ROBO1: variants seen among roughly 807,000 people sequenced by gnomAD.
ROBO1 encodes the protein roundabout guidance receptor 1.
Under a neutral mutation model 195.9 loss-of-function variants are expected in ROBO1, and 149 were observed. The ratio of observed to expected loss-of-function variants is 0.76; its 90% confidence interval spans 0.67 to 0.87. The LOEUF (loss-of-function observed/expected upper bound fraction) is 0.87, where lower values mean the gene tolerates loss of function less well. Ranked by LOEUF, ROBO1 falls within the 40% of genes least tolerant of loss-of-function variation. The pLI, the probability that ROBO1 is intolerant of heterozygous loss-of-function variation, is 0.00. For synonymous variants in ROBO1, 816 were observed against 733.2 expected (o/e 1.11, Z -1.82); for missense variants, 1,933 against 2,068.3 (o/e 0.93, Z 1.27).
At chr3:78,797,934 A>G (rs2084234727) in intron 4 of ROBO1, among the ~76,000 whole-genome samples, 2 of 152,346 alleles carry the variant, frequency 1.3e-5, no homozygotes, top group African/African-American at 4.8e-5. Context: ...AACAGGGAAC[A>G]GCAATGTAAT....
chr3:78,730,120 G>A (rs2082255204), intron 5 of ROBO1, among the ~76,000 whole-genome samples: 1 of 152,130 alleles, frequency 6.6e-6, no homozygotes, highest in South Asian at 2.1e-4. Context: ...GTATTTGAGG[G>A]GAGAAAAGCT....
chr3:79,276,486 A>G (rs1576910787), intron 2 of ROBO1, among the ~76,000 whole-genome samples: 1 of 152,180 alleles, frequency 6.6e-6, no homozygotes, highest in East Asian at 1.9e-4. Flanking sequence ...ATTATTAAAG[A>G]CTTAAATCTA....
At position 78,685,103 on chromosome 3, in the gene ROBO1, T is replaced by C. The variant is rs568892095; in HGVS notation, c.1342+643A>G. Among the ~76,000 whole-genome samples, 4 of 152,226 alleles carry C rather than the reference T, an allele frequency of 2.6e-5. No homozygotes were observed. In the South Asian group the frequency reaches 8.3e-4, roughly 32 times the overall value. On this transcript the variant is annotated intron_variant, in intron 10 of 30. Transcript: ENST00000464233. ...CACACACATATACTATACATGTATA[T>C]ATATTTATATGTATATGAAATAAGA...
rs1432544349 is a variant in ROBO1, at chr3:79,364,247, T to TAA, written c.88+225576_88+225577insTT. On this transcript the variant is annotated intron_variant, in intron 2 of 30. Coordinates refer to ENST00000464233, the MANE Select transcript of ROBO1 (RefSeq NM_002941.4). ...ATAAATGTGTGTGTGTATATATATATATATACATATATATACACACACACA... is the reference window on the plus strand; with the variant it reads ...ATAAATGTGTGTGTGTATATATATATAAATATACATATATATACACACACACA... 3.4e-5 allele frequency among the ~76,000 whole-genome samples: 5 copies of TAA among 147,230 alleles called. No individual in the cohort carries two copies. The East Asian group carries it at 9.8e-4, about 29-fold the overall frequency.
intron 2 of ROBO1, among the ~76,000 whole-genome samples, chr3:79,437,396 C>T (rs1361522598): frequency 6.6e-6 from 1 of 151,976 alleles, no homozygotes; most frequent in Non-Finnish European, 1.5e-5. Context: ...CCTGCAATAT[C>T]TACCAAAGGT....
intron 4 of ROBO1, among the ~76,000 whole-genome samples, chr3:78,886,225 GA>G (rs1350475709): frequency 6.6e-6 from 1 of 151,904 alleles, no homozygotes; most frequent in East Asian, 1.9e-4. Context: ...CTGATTAAAA[GA>G]ATAATACTTA....
intron 2 of ROBO1, among the ~76,000 whole-genome samples, chr3:79,276,249 A>G (rs1235147395): frequency 6.6e-6 from 1 of 152,064 alleles, no homozygotes; most frequent in African/African-American, 2.4e-5. Context: ...TAACTAAAAC[A>G]GCATGTTACA....
chr3:79,407,291 T>C (rs1317960550), intron 2 of ROBO1, among the ~76,000 whole-genome samples: 1 of 152,096 alleles, frequency 6.6e-6, no homozygotes, highest in African/African-American at 2.4e-5. Context: ...CATTCAGAGG[T>C]AGCAATAAAT....
At chr3:78,637,812 C>A (rs1334091802) in intron 22 of ROBO1, among the ~76,000 whole-genome samples, 2 of 152,152 alleles carry the variant, frequency 1.3e-5, no homozygotes, top group Non-Finnish European at 1.5e-5. Flanking sequence ...GCTTTAAGGG[C>A]AGACATGCAG....
At chr3:78,768,276 A>T (rs1421135245) in intron 4 of ROBO1, among the ~76,000 whole-genome samples, 1 of 151,280 alleles carries the variant, frequency 6.6e-6, no homozygotes, top group Non-Finnish European at 1.5e-5. Context: ...TTTCAGTTTT[A>T]TTCCACTGTG....
chr3:79,372,030 G>T (rs532665490), intron 2 of ROBO1, among the ~76,000 whole-genome samples: 62 of 152,138 alleles, frequency 4.1e-4, no homozygotes, highest in African/African-American at 1.4e-3. Context: ...TAGGGTTTGT[G>T]CTCCTATGAG....
At chr3:79,493,792 T>C (rs1559939202) in intron 2 of ROBO1, among the ~76,000 whole-genome samples, 1 of 152,132 alleles carries the variant, frequency 6.6e-6, no homozygotes, top group Non-Finnish European at 1.5e-5. Context: ...AATAATCATA[T>C]CAAGGTAAAT....
At chr3:79,122,250 C>T (rs879355203) in intron 3 of ROBO1, among the ~76,000 whole-genome samples, 7 of 151,944 alleles carry the variant, frequency 4.6e-5, no homozygotes, top group Admixed American at 1.3e-4. Flanking sequence ...ATTTATGACA[C>T]GCGTGGTTAA....
chr3:79,686,667 G>C (rs1256662727), intron 1 of ROBO1, among the ~76,000 whole-genome samples: 1 of 152,148 alleles, frequency 6.6e-6, no homozygotes, highest in Non-Finnish European at 1.5e-5. Flanking sequence ...CAAGGGAAGT[G>C]AAGGACCTCT....
chr3:79,458,984 T>A (rs1266578013), intron 2 of ROBO1, among the ~76,000 whole-genome samples: 3 of 152,082 alleles, frequency 2.0e-5, no homozygotes, highest in Non-Finnish European at 4.4e-5. Flanking sequence ...AAACTGAAAA[T>A]TTATACTATC....
intron 2 of ROBO1, among the ~76,000 whole-genome samples, chr3:79,150,023 C>G (rs1174751821): frequency 6.6e-6 from 1 of 151,776 alleles, no homozygotes; most frequent in African/African-American, 2.4e-5. Context: ...TCCGTTATCA[C>G]TGGGTCCTTG....
At chr3:79,008,887 C>CTG (rs1559586095) in intron 3 of ROBO1, among the ~76,000 whole-genome samples, 10 of 73,502 alleles carry the variant, frequency 1.4e-4, no homozygotes, top group African/African-American at 5.0e-4. Context: ...CTGCACCCAG[C>CTG]CGTGTGTGTG....
chr3:78,659,876 T>A, intron 16 of ROBO1, 69 bp from the exon 17 acceptor site: 2 of 1,221,816 alleles, frequency 1.6e-6, no homozygotes, highest in Non-Finnish European at 2.3e-6. Context: ...GTAATTAATA[T>A]CAAACCCAAT....
chr3:79,356,684 A>T (rs1347808057), intron 2 of ROBO1, among the ~76,000 whole-genome samples: 2 of 152,246 alleles, frequency 1.3e-5, no homozygotes, highest in South Asian at 2.1e-4. Flanking sequence ...TATTTATGTC[A>T]TTGAAGATAC....
Sources: allele counts gnomAD v4.1 joint callset (sites outside exome capture counted in the v4.1 genomes callset), GRCh38; gene constraint gnomAD v4.1.1; transcripts MANE v1.5; gene names NCBI Gene and HGNC (gene_info 2026-07-23, HGNC 2026-07-21).